Variants in TRIM67 observed in about 807,000 individuals in gnomAD.
TRIM67 encodes tripartite motif containing 67, also known as tripartite motif-containing protein 67.
A neutral mutation model predicts 71.0 loss-of-function variants in TRIM67; 39 were observed. The observed-to-expected ratio is 0.55, with a 90% CI of 0.43 to 0.72. The LOEUF is 0.72. Among genes scored for constraint, TRIM67 ranks in the 30% least tolerant of loss-of-function variants. The probability of loss-of-function intolerance (pLI) is 0.00; values close to 1 mark genes in which losing one functional copy is unlikely to be tolerated. For synonymous variants in TRIM67, 481 were observed against 473.9 expected (o/e 1.01, Z -0.19); for missense variants, 973 against 1,079.2 (o/e 0.90, Z 1.38).
Position 231,219,356 on chromosome 1 carries a change from CA to C in TRIM67, c.*3917del. The C allele has an allele frequency of 1.0e-6, 1 of 987,296 alleles. No individual in the cohort carries two copies. Among genetic ancestry groups the C allele is most frequent in the African/African-American group, 1.7e-5 (1 of 57,360 alleles). The allele number at this position is 987,296 out of a possible 1,614,324, so 61.2% of individuals were successfully genotyped here. A position where few individuals can be genotyped will look rare whatever the true frequency, so the allele number is the denominator to read the frequency against. ...CTGGGGGCCTCCACAAGTTGAGAAC[CA>C]CCAGGTTATGCCAGTGGTTTGTCAT... On this transcript the variant is annotated 3_prime_UTR_variant, in exon 10 of 10. Transcript: ENST00000366653.
At chr1:231,194,786 C>T (rs547704077) in intron 1 of TRIM67, among the ~76,000 whole-genome samples, 66 of 152,272 alleles carry the variant, frequency 4.3e-4, no homozygotes, top group African/African-American at 1.6e-3. Flanking sequence ...GGACTCAAGC[C>T]ATCCTCCTGC....
chr1:231,182,924 T>C (rs1682947037), intron 1 of TRIM67, among the ~76,000 whole-genome samples: 1 of 152,252 alleles, frequency 6.6e-6, no homozygotes, highest in African/African-American at 2.4e-5. Context: ...TGCCTCTTTT[T>C]ATTTTGACTT....
intron 5 of TRIM67, 85 bp from the exon 6 acceptor site, chr1:231,203,782 G>A: frequency 6.7e-7 from 1 of 1,495,188 alleles, no homozygotes; most frequent in East Asian, 2.4e-5. Context: ...TGGAGGCCAG[G>A]ACCCCTGGGA....
intron 1 of TRIM67, among the ~76,000 whole-genome samples, chr1:231,166,128 T>C (rs1346272434): frequency 6.6e-6 from 1 of 152,236 alleles, no homozygotes; most frequent in Non-Finnish European, 1.5e-5. Flanking sequence ...GAAGCACATG[T>C]GATATTTGCC....
chr1:231,164,988 G>A (rs1268759803), intron 1 of TRIM67, among the ~76,000 whole-genome samples: 1 of 152,158 alleles, frequency 6.6e-6, no homozygotes, highest in Non-Finnish European at 1.5e-5. Context: ...TTTAAGAGGA[G>A]AATTTGCATA....
chr1:231,174,793 T>A (rs1682702426), intron 1 of TRIM67, among the ~76,000 whole-genome samples: 1 of 152,234 alleles, frequency 6.6e-6, no homozygotes, highest in Non-Finnish European at 1.5e-5. Context: ...TTCTTTCTTT[T>A]TAAGTTATGC....
chr1:231,192,806 A>G (rs1683268562), intron 1 of TRIM67, among the ~76,000 whole-genome samples: 1 of 152,274 alleles, frequency 6.6e-6, no homozygotes, highest in Non-Finnish European at 1.5e-5. Flanking sequence ...GGCATCAAAA[A>G]GCAGTGGAGG....
intron 1 of TRIM67, chr1:231,185,097 C>T (rs770777513): frequency 3.3e-6 from 5 of 1,532,968 alleles, no homozygotes; most frequent in African/African-American, 2.8e-5. Context: ...ACTTCGGTCA[C>T]CATCTGCTGG....
At chr1:231,174,322 C>T (rs781345625) in intron 1 of TRIM67, among the ~76,000 whole-genome samples, 5 of 151,192 alleles carry the variant, frequency 3.3e-5, no homozygotes, top group African/African-American at 4.9e-5. Flanking sequence ...TCATGCCTAG[C>T]AAATTTGCTA....
chr1:231,216,662 A>G lies in TRIM67; in HGVS notation c.*1222A>G. Reference sequence around the variant, plus strand: ...GGAAGGCAGGAAATAGAAGGGCAGTATCAGGTACCTTGTCTCCCAGCTTCC... The same window carrying G: ...GGAAGGCAGGAAATAGAAGGGCAGTGTCAGGTACCTTGTCTCCCAGCTTCC... On this transcript the variant is annotated 3_prime_UTR_variant, in exon 10 of 10. Transcript: ENST00000366653. The G allele has an allele frequency of 1.0e-6, 1 of 985,570 alleles. No individual in the cohort carries two copies. The highest frequency in any genetic ancestry group is 1.2e-6 in the Non-Finnish European group (1 of 830,014). The allele number at this position is 985,570 out of a possible 1,614,324, so 61.1% of individuals were successfully genotyped here.
chr1:231,176,013 G>A (rs983250797), intron 1 of TRIM67, among the ~76,000 whole-genome samples: 1 of 152,180 alleles, frequency 6.6e-6, no homozygotes, highest in African/African-American at 2.4e-5. Context: ...TCATGGGAGG[G>A]TGGAATGTGG....
At chr1:231,181,794 A>C (rs1682914371) in intron 1 of TRIM67, among the ~76,000 whole-genome samples, 1 of 152,170 alleles carries the variant, frequency 6.6e-6, no homozygotes, top group African/African-American at 2.4e-5. Flanking sequence ...CAGAGTGAAT[A>C]AACACTGTTT....
At chr1:231,194,324 C>T (rs1683311253) in intron 1 of TRIM67, among the ~76,000 whole-genome samples, 1 of 152,228 alleles carries the variant, frequency 6.6e-6, no homozygotes, top group African/African-American at 2.4e-5. Context: ...CCCTCAGCCT[C>T]CTTTTGAGGG....
chr1:231,173,256 C>G (rs1194416227), intron 1 of TRIM67, among the ~76,000 whole-genome samples: 2 of 152,154 alleles, frequency 1.3e-5, no homozygotes, highest in Non-Finnish European at 2.9e-5. Context: ...ATAAAAAATA[C>G]TTAGGCAGGG....
chr1:231,211,027 AAAAAAT>A (rs1301036925), intron 8 of TRIM67, among the ~76,000 whole-genome samples: 1 of 130,472 alleles, frequency 7.7e-6, no homozygotes, highest in African/African-American at 2.8e-5. Context: ...TACCAAAAAA[AAAAAAT>A]ATATATATAT....
At position 231,219,447 on chromosome 1, in the gene TRIM67, C is replaced by A; in HGVS notation, c.*4007C>A. On this transcript the variant is annotated 3_prime_UTR_variant, in exon 10 of 10. Coordinates refer to ENST00000366653, the MANE Select transcript of TRIM67 (RefSeq NM_001004342.5). Reference sequence around the variant, plus strand: ...TGTTCCATAGAAAGCCTGTATGTGACAAAGCTGCCAGCCTTTATCTTGATA... The same window carrying A: ...TGTTCCATAGAAAGCCTGTATGTGAAAAAGCTGCCAGCCTTTATCTTGATA... The A allele has an allele frequency of 9.6e-7, 1 of 1,040,654 alleles. No individual in the cohort carries two copies. The highest frequency in any genetic ancestry group is 1.2e-6 in the Non-Finnish European group (1 of 864,224). 64.5% of individuals were successfully genotyped at this position (1,040,654 alleles called of 1,614,324 possible).
In TRIM67 at chr1:231,163,734, G is replaced by T. The variant is rs1195619728; in HGVS notation, c.765G>T (p.Pro255=). 1.3e-6 allele frequency: 2 copies of T among 1,491,528 alleles called. No individual in the cohort carries two copies. The highest frequency in any genetic ancestry group is 1.9e-4 in the Middle Eastern group (1 of 5,146). 92.4% of individuals were successfully genotyped at this position (1,491,528 alleles called of 1,614,324 possible). The part of the protein sequence containing the change: ...FAKHRLVQPP[P]PPPPPAEAAS... Reference sequence around the variant, plus strand: ...AGCATCGCCTGGTGCAGCCGCCGCCGCCGCCGCCGCCGCCCGCCGAGGCAG... The same window carrying T: ...AGCATCGCCTGGTGCAGCCGCCGCCTCCGCCGCCGCCGCCCGCCGAGGCAG... The change falls in exon 1 of 10, where the codon CCG becomes CCT. Residue 255 remains proline (P), a synonymous_variant. Transcript: ENST00000366653.
chr1:231,213,399 T>C (rs942870929), intron 8 of TRIM67, among the ~76,000 whole-genome samples: 5 of 152,166 alleles, frequency 3.3e-5, no homozygotes, highest in South Asian at 4.1e-4. Flanking sequence ...CCTTGGGGAC[T>C]ATGTTTAAGT....
intron 1 of TRIM67, among the ~76,000 whole-genome samples, chr1:231,188,993 GT>G (rs1195124866): frequency 2.0e-5 from 3 of 152,190 alleles, no homozygotes; most frequent in African/African-American, 7.2e-5. Flanking sequence ...TCTGGTGGAT[GT>G]TGGTTCTGTG....
Sources: gnomAD v4.1 joint callset for allele counts (sites outside exome capture counted in the v4.1 genomes callset) on GRCh38, gnomAD v4.1.1 for gene constraint, MANE v1.5 for transcripts, NCBI Gene and HGNC (gene_info 2026-07-23, HGNC 2026-07-21) for gene names.